Variants in RARB observed in about 807,000 individuals in gnomAD.
RARB encodes the protein HBV-activated protein.
In RARB, 17 loss-of-function variants were observed where a neutral mutation model predicts 51.9. The ratio of observed to expected loss-of-function variants is 0.33; its 90% confidence interval spans 0.22 to 0.49. The LOEUF (loss-of-function observed/expected upper bound fraction) is 0.49. RARB is among the 20% of genes least tolerant of loss of function. The pLI, the probability that RARB is intolerant of heterozygous loss-of-function variation, is 0.99. For missense variants in RARB, 369 were observed against 550.8 expected (o/e 0.67, Z 3.30); for synonymous variants, 215 against 195.4 (o/e 1.10, Z -0.84).
At chr3:25,450,321 T>C (rs2125541024) in intron 1 of RARB, among the ~76,000 whole-genome samples, 1 of 152,318 alleles carries the variant, frequency 6.6e-6, no homozygotes, top group African/African-American at 2.4e-5. Flanking sequence ...AAGCATTAGC[T>C]ATTATTTTTA....
intron 3 of RARB, among the ~76,000 whole-genome samples, chr3:25,540,580 G>T (rs1282912625): frequency 5.3e-5 from 8 of 152,182 alleles, no homozygotes; most frequent in African/African-American, 1.9e-4. Context: ...CTGGTAACCA[G>T]ATTGCATATC....
At chr3:25,589,689 G>A (rs1363787938) in intron 5 of RARB, among the ~76,000 whole-genome samples, 1 of 152,214 alleles carries the variant, frequency 6.6e-6, no homozygotes, top group East Asian at 1.9e-4. Flanking sequence ...GAGATGCACA[G>A]TTGTCTTTGC....
chr3:25,383,655 C>T (rs973109798), intron 5 of RARB, among the ~76,000 whole-genome samples: 2 of 152,102 alleles, frequency 1.3e-5, no homozygotes, highest in Non-Finnish European at 2.9e-5. Context: ...TGGCTGGGCA[C>T]GGTGGCTCAC....
chr3:25,461,173 C>G lies in RARB; in HGVS notation c.158-20C>G. ...AATACATTTTCTCTTTTTTCTCCCT[C>G]TACCCCATCTCTATTATAGCAATTG... On this transcript the variant is annotated intron_variant, in intron 1 of 7. Transcript: ENST00000330688. The G allele has an allele frequency of 1.9e-6, 3 of 1,550,096 alleles. No individual in the cohort carries two copies. The highest frequency in any genetic ancestry group is 1.7e-6 in the Non-Finnish European group (2 of 1,149,760).
intron 5 of RARB, among the ~76,000 whole-genome samples, chr3:25,350,892 G>C (rs1004433147): frequency 3.3e-5 from 5 of 152,206 alleles, no homozygotes; most frequent in African/African-American, 1.2e-4. Context: ...CCCTCTGCCA[G>C]TTCCCATGGT....
chr3:25,315,531 G>A (rs1423947298), intron 5 of RARB, among the ~76,000 whole-genome samples: 2 of 152,074 alleles, frequency 1.3e-5, no homozygotes, highest in Non-Finnish European at 2.9e-5. Flanking sequence ...CCAAAAGGAA[G>A]CACTGGCAAG....
At chr3:24,925,841 T>C (rs1008700636) in intron 2 of RARB, among the ~76,000 whole-genome samples, 1 of 151,998 alleles carries the variant, frequency 6.6e-6, no homozygotes, top group Admixed American at 6.6e-5. Context: ...TATTCTATAA[T>C]CTCATCCCAA....
At chr3:25,486,562 CA>C (rs1696483311) in intron 2 of RARB, among the ~76,000 whole-genome samples, 1 of 152,094 alleles carries the variant, frequency 6.6e-6, no homozygotes, top group Non-Finnish European at 1.5e-5. Context: ...GCTGAGGATA[CA>C]AAAAGCTAGA....
At chr3:25,074,077 G>A (rs1698823201) in intron 3 of RARB, among the ~76,000 whole-genome samples, 1 of 152,162 alleles carries the variant, frequency 6.6e-6, no homozygotes, top group Admixed American at 6.5e-5. Flanking sequence ...AGTTGAGTCT[G>A]GATTAAATTA....
intron 4 of RARB, among the ~76,000 whole-genome samples, chr3:25,140,857 CACCA>C (rs890811190): frequency 6.6e-6 from 1 of 151,982 alleles, no homozygotes; most frequent in African/African-American, 2.4e-5. Context: ...GCAAGACCTC[CACCA>C]ACAAAAAGGT....
At chr3:25,217,490 A>C (rs1026680699) in intron 5 of RARB, among the ~76,000 whole-genome samples, 3 of 150,814 alleles carry the variant, frequency 2.0e-5, no homozygotes, top group Non-Finnish European at 4.4e-5. Context: ...GAAAAGGCCT[A>C]CTCCCACCCC....
At chr3:25,040,896 T>C (rs989498305) in intron 2 of RARB, among the ~76,000 whole-genome samples, 7 of 152,236 alleles carry the variant, frequency 4.6e-5, no homozygotes, top group African/African-American at 1.7e-4. Flanking sequence ...TCGAGTCCTA[T>C]AAGCCTGAAT....
intron 4 of RARB, 83 bp downstream of exon 4, chr3:25,570,001 C>G: frequency 1.4e-6 from 2 of 1,413,084 alleles, no homozygotes; most frequent in East Asian, 2.3e-5. Flanking sequence ...CACACACACA[C>G]ACACACACAC....
At chr3:25,037,048 A>T (rs1203790627) in intron 2 of RARB, among the ~76,000 whole-genome samples, 1 of 152,176 alleles carries the variant, frequency 6.6e-6, no homozygotes, top group Non-Finnish European at 1.5e-5. Context: ...CAAGAACTCA[A>T]ACTTGCATGA....
chr3:25,377,831 T>C (rs1032081392), intron 5 of RARB, among the ~76,000 whole-genome samples: 1 of 152,152 alleles, frequency 6.6e-6, no homozygotes, highest in Non-Finnish European at 1.5e-5. Flanking sequence ...ACACTCATTT[T>C]CCAAATGGGG....
intron 2 of RARB, among the ~76,000 whole-genome samples, chr3:24,882,005 A>G (rs1703176239): frequency 6.6e-6 from 1 of 152,258 alleles, no homozygotes; most frequent in Non-Finnish European, 1.5e-5. Context: ...GCTATAGATT[A>G]TATGAATATT....
At chr3:25,400,365 T>C (rs1039845201) in intron 5 of RARB, among the ~76,000 whole-genome samples, 1 of 152,208 alleles carries the variant, frequency 6.6e-6, no homozygotes, top group Non-Finnish European at 1.5e-5. Flanking sequence ...GGTTCTTCTA[T>C]TCAAGGAACT....
chr3:24,889,951 GC>G (rs1309904244), intron 2 of RARB, among the ~76,000 whole-genome samples: 1 of 150,512 alleles, frequency 6.6e-6, no homozygotes, highest in Non-Finnish European at 1.5e-5. Flanking sequence ...TTCTTGGATA[GC>G]CCTGAAAGAA....
chr3:25,467,262 A>G (rs746746934), intron 2 of RARB, among the ~76,000 whole-genome samples: 9 of 152,264 alleles, frequency 5.9e-5, no homozygotes, highest in Non-Finnish European at 1.0e-4. Flanking sequence ...TGCTTAACAA[A>G]TAACTCAAAT....
Sources: allele counts gnomAD v4.1 joint callset (sites outside exome capture counted in the v4.1 genomes callset), GRCh38; gene constraint gnomAD v4.1.1; transcripts MANE v1.5; gene names NCBI Gene and HGNC (gene_info 2026-07-23, HGNC 2026-07-21).